The following MLLT3 variants were observed in gnomAD, a reference collection of about 807,000 sequenced individuals.
The protein encoded by MLLT3 is protein AF-9.
In MLLT3, 4 loss-of-function variants were observed where a neutral mutation model predicts 53.2. The observed-to-expected ratio is 0.08, with a 90% confidence interval of 0.04 to 0.17. MLLT3 has a LOEUF of 0.17. Among genes scored for constraint, MLLT3 ranks in the 10% least tolerant of loss-of-function variants. The pLI, the probability that MLLT3 is intolerant of heterozygous loss-of-function variation, is 1.00. For missense variants in MLLT3, 569 were observed against 684.0 expected, an observed-to-expected ratio of 0.83 and a Z score of 1.87; for synonymous variants, 283 against 230.6, an observed-to-expected ratio of 1.23 and a Z score of -2.06.
At chr9:20,362,152 A>G (rs1397097301) in intron 7 of MLLT3, among the ~76,000 whole-genome samples, 1 of 152,234 alleles carries the variant, frequency 6.6e-6, no homozygotes, top group Admixed American at 6.5e-5. Context: ...ACATGCTAAC[A>G]CAGCACGGTC....
intron 2 of MLLT3, among the ~76,000 whole-genome samples, chr9:20,565,144 T>C (rs542419963): frequency 1.3e-5 from 2 of 151,884 alleles, no homozygotes; most frequent in Admixed American, 6.6e-5. Flanking sequence ...TTTTTTTTTT[T>C]CTCAGTATTT....
At chr9:20,598,456 A>G (rs1401448252) in intron 2 of MLLT3, among the ~76,000 whole-genome samples, 1 of 152,216 alleles carries the variant, frequency 6.6e-6, no homozygotes, top group East Asian at 1.9e-4. Flanking sequence ...GATGTGCAAC[A>G]TAAGGCATTT....
intron 2 of MLLT3, among the ~76,000 whole-genome samples, chr9:20,499,848 T>A (rs968103040): frequency 6.6e-6 from 1 of 152,198 alleles, no homozygotes; most frequent in African/African-American, 2.4e-5. Flanking sequence ...GAGGATTATT[T>A]GAGCCTAGGG....
chr9:20,525,418 C>T (rs1818176162), intron 2 of MLLT3, among the ~76,000 whole-genome samples: 1 of 152,154 alleles, frequency 6.6e-6, no homozygotes, highest in Admixed American at 6.5e-5. Context: ...ATTGCTTGAA[C>T]CCGGAAGGCG....
intron 5 of MLLT3, among the ~76,000 whole-genome samples, chr9:20,397,290 CA>C (rs1822345108): frequency 6.6e-6 from 1 of 152,090 alleles, no homozygotes; most frequent in Non-Finnish European, 1.5e-5. Flanking sequence ...GTTTCTAAAA[CA>C]TTTAATTAAC....
At chr9:20,403,015 G>A in intron 5 of MLLT3, among the ~76,000 whole-genome samples, 1 of 152,086 alleles carries the variant, frequency 6.6e-6, no homozygotes, top group East Asian at 1.9e-4. Flanking sequence ...TTCTAGAGGA[G>A]GAGAGTTTGG....
chr9:20,526,027 T>C (rs549302815), intron 2 of MLLT3, among the ~76,000 whole-genome samples: 5 of 152,172 alleles, frequency 3.3e-5, no homozygotes, highest in Non-Finnish European at 5.9e-5. Flanking sequence ...GGAGAAGATA[T>C]GTATGTTCAA....
chr9:20,443,100 A>AGGAAGGAAGGAGGGAGGGAG (rs910467147), intron 4 of MLLT3, among the ~76,000 whole-genome samples: 4 of 151,946 alleles, frequency 2.6e-5, no homozygotes, highest in Non-Finnish European at 4.4e-5. Context: ...GAGGAAAGGA[A>AGGAAGGAAGGAGGGAGGGAG]GGAAGGAAGG....
chr9:20,531,782 T>C (rs1271254644), intron 2 of MLLT3, among the ~76,000 whole-genome samples: 1 of 152,178 alleles, frequency 6.6e-6, no homozygotes, highest in Non-Finnish European at 1.5e-5. Flanking sequence ...TATTTTTTCA[T>C]CTCTGAGGGA....
chr9:20,394,845 G>A (rs73430745), intron 5 of MLLT3, among the ~76,000 whole-genome samples: 15,227 of 152,086 alleles, frequency 0.1, 1,712 homozygotes, highest in African/African-American at 0.27. Context: ...GGAAATCTTG[G>A]CTTATTTCAA....
intron 5 of MLLT3, among the ~76,000 whole-genome samples, chr9:20,401,727 T>TTAGCCAGATTCAGTCACAGA (rs1279664890): frequency 6.6e-6 from 1 of 152,186 alleles, no homozygotes; most frequent in African/African-American, 2.4e-5. Context: ...TTATATCTCA[T>TTAGCCAGATTCAGTCACAGA]TAGCCAGATT....
chr9:20,590,651 G>A (rs1309603177), intron 2 of MLLT3, among the ~76,000 whole-genome samples: 2 of 152,166 alleles, frequency 1.3e-5, no homozygotes, highest in Non-Finnish European at 2.9e-5. Context: ...GGAGCTCTGA[G>A]TCAATTAAAC....
chr9:20,432,344 T>C (rs1823292670), intron 4 of MLLT3, among the ~76,000 whole-genome samples: 1 of 152,224 alleles, frequency 6.6e-6, no homozygotes, highest in Non-Finnish European at 1.5e-5. Context: ...AGGAGTTAAA[T>C]GAAATAACAT....
At chr9:20,554,072 AG>A (rs955838642) in intron 2 of MLLT3, among the ~76,000 whole-genome samples, 1 of 152,156 alleles carries the variant, frequency 6.6e-6, no homozygotes, top group Non-Finnish European at 1.5e-5. Context: ...CTCTCTGTTC[AG>A]TTCCAAATAC....
At chr9:20,487,733 T>G (rs993529910) in intron 2 of MLLT3, among the ~76,000 whole-genome samples, 5 of 152,140 alleles carry the variant, frequency 3.3e-5, no homozygotes, top group African/African-American at 4.8e-5. Context: ...CATATTTATG[T>G]CAAAAATCAA....
intron 5 of MLLT3, among the ~76,000 whole-genome samples, chr9:20,378,519 T>C (rs568825590): frequency 5.9e-5 from 9 of 152,154 alleles, no homozygotes; most frequent in Admixed American, 5.2e-4. Context: ...CACAAACTTA[T>C]TTAAAAGATT....
chr9:20,358,714 T>C (rs1821236824), intron 8 of MLLT3, among the ~76,000 whole-genome samples: 1 of 151,892 alleles, frequency 6.6e-6, no homozygotes, highest in African/African-American at 2.4e-5. Context: ...TTGGGAGAGA[T>C]ACTGAAGGAG....
At chr9:20,446,289 C>T (rs1346017960) in intron 4 of MLLT3, among the ~76,000 whole-genome samples, 1 of 152,166 alleles carries the variant, frequency 6.6e-6, no homozygotes. Flanking sequence ...AGGAAAATAT[C>T]TGCTGGCTTC....
At chr9:20,552,587 G>A (rs775607483) in intron 2 of MLLT3, among the ~76,000 whole-genome samples, 8 of 152,036 alleles carry the variant, frequency 5.3e-5, no homozygotes, top group Non-Finnish European at 7.4e-5. Flanking sequence ...CAGAACCTAT[G>A]AGCCCAGTGA....
Sources: allele counts gnomAD v4.1 joint callset (sites outside exome capture counted in the v4.1 genomes callset), GRCh38; gene constraint gnomAD v4.1.1; transcripts MANE v1.5; gene names NCBI Gene and HGNC (gene_info 2026-07-23, HGNC 2026-07-21).